Variants in SH3BP2 observed in about 807,000 individuals in gnomAD.
SH3BP2 encodes SH3 domain-binding protein 2.
Under a neutral mutation model 56.2 loss-of-function variants are expected in SH3BP2, and 38 were observed. That is an observed-to-expected ratio of 0.68 (90% confidence interval 0.52 to 0.89). The LOEUF (loss-of-function observed/expected upper bound fraction) is 0.89. SH3BP2 is among the 40% of genes least tolerant of loss of function. The pLI, the probability that SH3BP2 is intolerant of heterozygous loss-of-function variation, is 0.00. For synonymous variants in SH3BP2, 346 were observed against 316.7 expected (o/e 1.09, Z -0.98); for missense variants, 748 against 762.6 (o/e 0.98, Z 0.23).
chr4:2,833,720 C>T lies in SH3BP2; in HGVS notation c.1572C>T (p.Gly524=), dbSNP rs568983571. 8.7e-6 allele frequency: 14 copies of T among 1,610,460 alleles called. No homozygotes were observed. Among genetic ancestry groups the T allele is most frequent in the South Asian group, 6.7e-5 (6 of 90,220 alleles). ...FEKDSKFYLE[G]EVLFVSVGSM... ...AGGACTCTAAGTTCTACCTGGAGGG[C>T]GAGGTCCTGTTTGTGAGTGTGGGCA... The change falls in exon 13 of 13, where the codon GGC becomes GGT. Residue 524 remains glycine (G), a synonymous_variant. Transcript: ENST00000503393.
chr4:2,816,656 T>G (rs1055590999), intron 1 of SH3BP2, among the ~76,000 whole-genome samples: 1 of 152,136 alleles, frequency 6.6e-6, no homozygotes, highest in Non-Finnish European at 1.5e-5. Context: ...CATGGAGGAG[T>G]GTTGAATTTT....
At chr4:2,833,141 A>C in intron 12 of SH3BP2, 92 bp downstream of exon 12, 1 of 1,142,328 alleles carries the variant, frequency 8.8e-7, no homozygotes, top group East Asian at 2.3e-5. Flanking sequence ...GGCAGCGGGT[A>C]GACTGAGACT....
intron 1 of SH3BP2, chr4:2,812,341 T>G (rs979271392): frequency 3.9e-6 from 6 of 1,549,770 alleles, no homozygotes; most frequent in Non-Finnish European, 5.2e-6. Context: ...GCCAGGCGCG[T>G]CAGGCCTCAC....
At position 2,837,914 on chromosome 4, in the gene SH3BP2, C is replaced by G. The variant is rs1725290451; in HGVS notation, c.*4080C>G. 6.6e-6 allele frequency: 1 copy of G among 152,276 alleles called. No individual in the cohort carries two copies. The highest frequency in any genetic ancestry group is 2.4e-5 in the African/African-American group (1 of 41,410). The allele number at this position is 152,276 out of a possible 1,614,324, so 9.4% of individuals were successfully genotyped here. A position where few individuals can be genotyped will look rare whatever the true frequency, so the allele number is the denominator to read the frequency against. On this transcript the variant is annotated 3_prime_UTR_variant, in exon 13 of 13. Coordinates refer to ENST00000503393, the MANE Select transcript of SH3BP2 (RefSeq NM_001122681.2). Reference sequence around the variant, plus strand: ...CAGAAGTGTGTGTGAGTGGTGAACCCTTTTAAGCCATCTTCCAGCCATTCT... The same window carrying G: ...CAGAAGTGTGTGTGAGTGGTGAACCGTTTTAAGCCATCTTCCAGCCATTCT...
At chr4:2,811,069 C>G (rs1723728844) in intron 1 of SH3BP2, among the ~76,000 whole-genome samples, 1 of 152,204 alleles carries the variant, frequency 6.6e-6, no homozygotes, top group Admixed American at 6.5e-5. Flanking sequence ...AAAGCCCAAG[C>G]TCCTCACCCT....
intron 2 of SH3BP2, 23 bp from the exon 3 acceptor site, chr4:2,822,912 C>T (rs374820935): frequency 5.6e-5 from 90 of 1,600,374 alleles, no homozygotes; most frequent in Middle Eastern, 3.3e-4. Context: ...GGCTCACCTT[C>T]CTGCCCTTGC....
chr4:2,799,267 C>T (rs1297922753), intron 1 of SH3BP2: 4 of 985,352 alleles, frequency 4.1e-6, no homozygotes, highest in Non-Finnish European at 4.8e-6. Flanking sequence ...GACTGGACTT[C>T]GCTCAGCTTC....
chr4:2,827,184 C>G, intron 5 of SH3BP2, 46 bp from the exon 6 acceptor site: 1 of 1,535,968 alleles, frequency 6.5e-7, no homozygotes, highest in Non-Finnish European at 9.0e-7. Context: ...AAGGGACCTC[C>G]CAGGCCTGGT....
intron 5 of SH3BP2, chr4:2,827,010 C>T (rs1316625883): frequency 1.2e-5 from 8 of 676,690 alleles, no homozygotes; most frequent in South Asian, 4.6e-5. Context: ...TGTCTGTCAG[C>T]GTATCCATGT....
At chr4:2,825,251 C>T in intron 5 of SH3BP2, 55 bp downstream of exon 5, 1 of 1,426,650 alleles carries the variant, frequency 7.0e-7, no homozygotes, top group Non-Finnish European at 9.7e-7. Context: ...GCGCCTGGGC[C>T]TGACCCGGGT....
At chr4:2,801,122 G>A (rs1015318357) in intron 1 of SH3BP2, among the ~76,000 whole-genome samples, 7 of 152,182 alleles carry the variant, frequency 4.6e-5, no homozygotes, top group African/African-American at 1.4e-4. Flanking sequence ...GCGGAGGACC[G>A]GGGCCCAGAC....
chr4:2,807,170 C>T (rs866604320), intron 1 of SH3BP2, among the ~76,000 whole-genome samples: 2 of 152,160 alleles, frequency 1.3e-5, no homozygotes, highest in African/African-American at 2.4e-5. Flanking sequence ...CAGGGCTGGC[C>T]GGCGGCTTGT....
At chr4:2,814,967 G>A (rs1179290115) in intron 1 of SH3BP2, 1 of 152,322 alleles carries the variant, frequency 6.6e-6, no homozygotes, top group Non-Finnish European at 1.5e-5. Context: ...TAACCATCAG[G>A]TCCCTGGAAG....
chr4:2,802,896 G>A (rs1390930211), intron 1 of SH3BP2, among the ~76,000 whole-genome samples: 1 of 152,166 alleles, frequency 6.6e-6, no homozygotes, highest in East Asian at 1.9e-4. Flanking sequence ...TCCTGGGTAA[G>A]CGAGGGGCCC....
intron 1 of SH3BP2, chr4:2,799,255 G>A (rs979968252): frequency 1.0e-6 from 1 of 985,450 alleles, no homozygotes; most frequent in African/African-American, 1.7e-5. Context: ...GACCCTCACC[G>A]CGACTGGACT....
rs1577373363 is a variant in SH3BP2, at chr4:2,833,473, G to A, written c.1549-224G>A. ...TTCCTGACCTTGTCTGAAGTGCTCT[G>A]GGTGCAGGCTCCTGGACATGGAGGA... On this transcript the variant is annotated intron_variant, in intron 12 of 12. Coordinates refer to ENST00000503393, the MANE Select transcript of SH3BP2 (RefSeq NM_001122681.2). 11 of 633,452 alleles carry A rather than the reference G, an allele frequency of 1.7e-5. No individual in the cohort carries two copies. The East Asian group carries it at 2.5e-4, about 14-fold the overall frequency. The allele number at this position is 633,452 out of a possible 1,614,324, so 39.2% of individuals were successfully genotyped here.
rs565191421 is a variant in SH3BP2, at chr4:2,832,363, C to T, written c.1439C>T (p.Pro480Leu). 1.9e-6 allele frequency: 3 copies of T among 1,613,968 alleles called. No individual in the cohort carries two copies. Among genetic ancestry groups the T allele is most frequent in the East Asian group, 2.2e-5 (1 of 44,894 alleles). ...LFKATSPRGEPQDGLYCIRNS... is the reference protein window; with the variant it reads ...LFKATSPRGELQDGLYCIRNS... The stretch of plus-strand genomic sequence containing the variant: ...AAGGCTACAAGCCCCCGGGGAGAGC[C>T]CCAGGATGGACTCTACTGCATCCGG... The change falls in exon 11 of 13, where the codon CCC (proline) becomes CTC (leucine). Residue 480 changes from proline (P) to leucine (L), a missense_variant. Physicochemically the swap from Pro to Leu is moderately conservative, Grantham distance 98 (BLOSUM62 -3). This residue lies in a region of SH3BP2 where 635 missense variants were observed against 615.0 expected (regional missense o/e 1.03). Transcript: ENST00000503393.
chr4:2,827,512 C>G, intron 6 of SH3BP2, 94 bp from the exon 7 acceptor site: 1 of 1,380,710 alleles, frequency 7.2e-7, no homozygotes, highest in Non-Finnish European at 1.0e-6. Flanking sequence ...GGTGCTTGCC[C>G]CTTGCCTCCT....
rs2108746991 is a variant in SH3BP2 at position 2,838,087 on chromosome 4, C to T, written c.*4253C>T. 6.6e-6 allele frequency: 1 copy of T among 152,350 alleles called. No homozygotes were observed. The highest frequency in any genetic ancestry group is 6.5e-5 in the Admixed American group (1 of 15,292). 9.4% of individuals were successfully genotyped at this position (152,350 alleles called of 1,614,324 possible). On this transcript the variant is annotated 3_prime_UTR_variant, in exon 13 of 13. Transcript: ENST00000503393. ...TCTTCCCTGGCCCCACTCTGAGGGG[C>T]TCAGAGCTGAGGCAGAATCCCTTTT... is the stretch of plus-strand genomic sequence containing the variant.
Sources: allele counts gnomAD v4.1 joint callset (sites outside exome capture counted in the v4.1 genomes callset), GRCh38; gene constraint gnomAD v4.1.1; regional missense constraint gnomAD v4.1.1; transcripts MANE v1.5; gene names NCBI Gene and HGNC (gene_info 2026-07-23, HGNC 2026-07-21).